Variants in PRKG2 observed in about 807,000 individuals in gnomAD.
PRKG2 encodes cGMP-dependent protein kinase 2.
Under a neutral mutation model 97.2 loss-of-function variants are expected in PRKG2, and 33 were observed. The observed-to-expected ratio is 0.34, with a 90% CI of 0.26 to 0.45. PRKG2 has a LOEUF of 0.45. PRKG2 is among the 20% of genes least tolerant of loss of function. The pLI is 1.00. For missense variants in PRKG2, 638 were observed against 900.0 expected, an observed-to-expected ratio of 0.71 and a Z score of 3.73; for synonymous variants, 330 against 321.8, an observed-to-expected ratio of 1.03 and a Z score of -0.27.
chr4:81,123,161 T>C (rs1438076873), intron 14 of PRKG2, among the ~76,000 whole-genome samples: 1 of 152,256 alleles, frequency 6.6e-6, no homozygotes, highest in Non-Finnish European at 1.5e-5. Flanking sequence ...GAGGAACATA[T>C]ATTAAAATTT....
intron 11 of PRKG2, among the ~76,000 whole-genome samples, chr4:81,141,765 C>T (rs1426996196): frequency 6.6e-6 from 1 of 151,976 alleles, no homozygotes; most frequent in Non-Finnish European, 1.5e-5. Context: ...ATCCTTTTGC[C>T]ACAAACTTTG....
chr4:81,177,491 G>T (rs1224093196), intron 2 of PRKG2, among the ~76,000 whole-genome samples: 2 of 152,140 alleles, frequency 1.3e-5, no homozygotes, highest in African/African-American at 2.4e-5. Flanking sequence ...AGATCACGAG[G>T]TCAGGAGATC....
chr4:81,121,487 G>C (rs1182663041), intron 14 of PRKG2, among the ~76,000 whole-genome samples: 1 of 152,032 alleles, frequency 6.6e-6, no homozygotes, highest in African/African-American at 2.4e-5. Flanking sequence ...ATAGATATAG[G>C]CCTATTCAGA....
At chr4:81,134,051 C>A (rs969893760) in intron 14 of PRKG2, among the ~76,000 whole-genome samples, 1 of 152,074 alleles carries the variant, frequency 6.6e-6, no homozygotes, top group African/African-American at 2.4e-5. Flanking sequence ...CTCACCAGTT[C>A]TCAAAGCTAT....
rs769015114 is a variant in PRKG2 at position 81,140,547 on chromosome 4, A to G, written c.1530T>C (p.Ser510=). The G allele has an allele frequency of 6.3e-6, 10 of 1,594,624 alleles. No individual in the cohort carries two copies. Among genetic ancestry groups the G allele is most frequent in the South Asian group, 1.2e-5 (1 of 86,802 alleles). The change falls in exon 12 of 19, where the codon TCT becomes TCC. Residue 510 remains serine, a synonymous_variant. Transcript: ENST00000264399. ...TGGTCACTTACTTCACAATGAATGG[A>G]GAGCACAGCTCCTCTAGGATCCTCT... ...SEKRILEELC[S]PFIVKLYRTF...
intron 3 of PRKG2, among the ~76,000 whole-genome samples, chr4:81,174,464 C>T (rs1750748627): frequency 6.6e-6 from 1 of 151,952 alleles, no homozygotes; most frequent in African/African-American, 2.4e-5. Flanking sequence ...ATCTATGTGG[C>T]GTTACCCTCT....
Position 81,171,673 on chromosome 4 carries a change from C to T in PRKG2, c.742+18G>A. ...ATGCCACAACAATTCAAAGATGGAG[C>T]ATTTCCTCTTTTATTACCTTTCACA... On this transcript the variant is annotated intron_variant, in intron 4 of 18. Transcript: ENST00000264399. The T allele has an allele frequency of 6.5e-7, 1 of 1,549,040 alleles. No homozygotes were observed. Among genetic ancestry groups the T allele is most frequent in the Non-Finnish European group, 8.8e-7 (1 of 1,133,660 alleles).
chr4:81,162,082 T>G (rs1043607550), intron 6 of PRKG2, among the ~76,000 whole-genome samples: 2 of 152,212 alleles, frequency 1.3e-5, no homozygotes, highest in Non-Finnish European at 1.5e-5. Flanking sequence ...TTTGCTCAGC[T>G]GTTTCCTACA....
intron 4 of PRKG2, among the ~76,000 whole-genome samples, chr4:81,171,141 T>A (rs550121272): frequency 6.6e-6 from 1 of 152,184 alleles, no homozygotes; most frequent in African/African-American, 2.4e-5. Context: ...ATACATCAGC[T>A]ATTTATCCTG....
In PRKG2 at chr4:81,135,368, A is replaced by G. The variant is rs115948955; in HGVS notation, c.1635-72T>C. The G allele has an allele frequency of 2.3e-3, 3,379 of 1,450,584 alleles. 55 individuals are homozygous for G. In the African/African-American group the frequency reaches 0.039, roughly 17 times the overall value. The allele number at this position is 1,450,584 out of a possible 1,614,324, so 89.9% of individuals were successfully genotyped here. A position where few individuals can be genotyped will look rare whatever the true frequency, so the allele number is the denominator to read the frequency against. ...TGGTGCTGTTCTACGTGTCAAATCAATTATTGGATTGGCAGGTTTATGCAA... is the reference window on the plus strand; with the variant it reads ...TGGTGCTGTTCTACGTGTCAAATCAGTTATTGGATTGGCAGGTTTATGCAA... On this transcript the variant is annotated intron_variant, in intron 13 of 18. Coordinates refer to ENST00000264399, the MANE Select transcript of PRKG2 (RefSeq NM_006259.3).
intron 14 of PRKG2, among the ~76,000 whole-genome samples, chr4:81,129,029 G>T (rs564957828): frequency 6.6e-6 from 1 of 152,156 alleles, no homozygotes; most frequent in South Asian, 2.1e-4. Context: ...TGTTCTCATT[G>T]GTTTCAAACA....
At chr4:81,174,459 T>C (rs929289013) in intron 3 of PRKG2, among the ~76,000 whole-genome samples, 1 of 152,016 alleles carries the variant, frequency 6.6e-6, no homozygotes, top group Non-Finnish European at 1.5e-5. Context: ...TTATGATCTA[T>C]GTGGCGTTAC....
At chr4:81,110,721 T>C in intron 14 of PRKG2, 110 bp from the exon 15 acceptor site, 1 of 996,694 alleles carries the variant, frequency 1.0e-6, no homozygotes, top group South Asian at 1.4e-5. Flanking sequence ...CTTCTTTTTA[T>C]ACCATGCACA....
intron 2 of PRKG2, among the ~76,000 whole-genome samples, chr4:81,183,755 C>G (rs1322398963): frequency 6.6e-6 from 1 of 152,134 alleles, no homozygotes; most frequent in African/African-American, 2.4e-5. Context: ...TTGAAATTCT[C>G]ACTGCCAGTA....
intron 5 of PRKG2, among the ~76,000 whole-genome samples, chr4:81,167,791 C>A (rs978337759): frequency 1.3e-5 from 2 of 151,856 alleles, no homozygotes; most frequent in African/African-American, 4.8e-5. Context: ...CTAAATCAAG[C>A]TACAGGCAAA....
chr4:81,133,764 T>C (rs1746389733), intron 14 of PRKG2, among the ~76,000 whole-genome samples: 1 of 152,184 alleles, frequency 6.6e-6, no homozygotes, highest in Admixed American at 6.5e-5. Context: ...AGCAGTTATT[T>C]ATTGACCTCT....
At position 81,138,872 on chromosome 4, in the gene PRKG2, ACTCT is replaced by A. The variant is rs374717324; in HGVS notation, c.1545-1394_1545-1391del. Among the ~76,000 whole-genome samples the A allele has an allele frequency of 4.1e-4, 62 of 152,130 alleles. 3 individuals carry two copies. Among genetic ancestry groups the A allele is most frequent in the African/African-American group, 1.4e-3 (58 of 41,506 alleles). The stretch of plus-strand genomic sequence containing the variant: ...AACGTAATATAAAGATAATTGGATG[ACTCT>A]CTATTGCCAGCACTGCCTGGGTTCA... On this transcript the variant is annotated intron_variant, in intron 12 of 18. Coordinates refer to ENST00000264399, the MANE Select transcript of PRKG2 (RefSeq NM_006259.3).
At chr4:81,137,890 C>T (rs1746868367) in intron 12 of PRKG2, among the ~76,000 whole-genome samples, 1 of 152,100 alleles carries the variant, frequency 6.6e-6, no homozygotes, top group Admixed American at 6.5e-5. Context: ...AGTAGTTATT[C>T]ATGTCAATGT....
chr4:81,133,222 C>T (rs773313374), intron 14 of PRKG2, among the ~76,000 whole-genome samples: 38 of 152,162 alleles, frequency 2.5e-4, no homozygotes, highest in Non-Finnish European at 4.7e-4. Flanking sequence ...GGATAGGTTT[C>T]TATTCCTCTA....
Sources: allele counts gnomAD v4.1 joint callset (sites outside exome capture counted in the v4.1 genomes callset), GRCh38; gene constraint gnomAD v4.1.1; transcripts MANE v1.5; gene names NCBI Gene and HGNC (gene_info 2026-07-23, HGNC 2026-07-21).